The following RBFOX1 variants were observed in gnomAD, a reference collection of about 807,000 sequenced individuals.
RBFOX1 encodes RNA binding protein fox-1 homolog 1.
Under a neutral mutation model 57.7 loss-of-function variants are expected in RBFOX1, and 8 were observed. The observed-to-expected ratio is 0.14, with a 90% CI of 0.08 to 0.25. The LOEUF (loss-of-function observed/expected upper bound fraction) is 0.25, where lower values mean the gene tolerates loss of function less well. Ranked by LOEUF, RBFOX1 falls within the 10% of genes least tolerant of loss-of-function variation. RBFOX1 has a pLI of 1.00. For synonymous variants in RBFOX1, 326 were observed against 222.4 expected (o/e 1.47, Z -4.15); for missense variants, 611 against 548.5 (o/e 1.11, Z -1.14).
intron 3 of RBFOX1, among the ~76,000 whole-genome samples, chr16:5,678,593 C>A (rs1000786969): frequency 1.2e-4 from 18 of 152,154 alleles, no homozygotes; most frequent in African/African-American, 4.1e-4. Context: ...TTAATCATTG[C>A]TTCCTCTGGG....
chr16:6,733,237 A>G (rs1391014088), intron 3 of RBFOX1, among the ~76,000 whole-genome samples: 1 of 152,312 alleles, frequency 6.6e-6, no homozygotes, highest in African/African-American at 2.4e-5. Flanking sequence ...AGCCCTGGCA[A>G]ACTCCCTTTT....
intron 3 of RBFOX1, among the ~76,000 whole-genome samples, chr16:7,011,874 G>A (rs2093669719): frequency 6.6e-6 from 1 of 152,184 alleles, no homozygotes. Flanking sequence ...GGATGCCTTT[G>A]GATGATGTTA....
intron 4 of RBFOX1, among the ~76,000 whole-genome samples, chr16:7,280,078 C>A (rs931645777): frequency 2.6e-5 from 4 of 152,188 alleles, no homozygotes; most frequent in African/African-American, 9.7e-5. Context: ...ACAGATTGTG[C>A]CTGCTATGGA....
chr16:6,367,347 T>G (rs995277556), intron 2 of RBFOX1, among the ~76,000 whole-genome samples: 10 of 152,200 alleles, frequency 6.6e-5, no homozygotes. Context: ...CTTGGCTCAC[T>G]GCAACCTCTG....
chr16:7,042,694 G>A (rs958139341), intron 3 of RBFOX1, among the ~76,000 whole-genome samples: 1 of 152,230 alleles, frequency 6.6e-6, no homozygotes, highest in Non-Finnish European at 1.5e-5. Context: ...GGGAGGCCCA[G>A]GCGGGCGGAT....
chr16:7,472,904 C>T (rs563734933), intron 4 of RBFOX1, among the ~76,000 whole-genome samples: 12 of 152,232 alleles, frequency 7.9e-5, no homozygotes, highest in South Asian at 4.1e-4. Flanking sequence ...TAAGAGCAAA[C>T]GCAATATTAA....
At chr16:6,148,715 C>T (rs779330784) in intron 1 of RBFOX1, among the ~76,000 whole-genome samples, 1 of 152,140 alleles carries the variant, frequency 6.6e-6, no homozygotes, top group African/African-American at 2.4e-5. Context: ...TGGAGAGATC[C>T]AGAGTAAAGT....
At chr16:6,277,828 C>T (rs1024047489) in intron 1 of RBFOX1, among the ~76,000 whole-genome samples, 10 of 152,022 alleles carry the variant, frequency 6.6e-5, no homozygotes, top group African/African-American at 1.7e-4. Context: ...ATTCTGATTG[C>T]GATTAGGATT....
chr16:5,303,592 A>T lies in RBFOX1; in HGVS notation c.219+63487A>T, dbSNP rs111742813. ...AACTTCAGACATGCTTCTGATGTTGAGGGGCTTGATTCCAAACAGCGCTTG... is the reference window on the plus strand; with the variant it reads ...AACTTCAGACATGCTTCTGATGTTGTGGGGCTTGATTCCAAACAGCGCTTG... On this transcript the variant is annotated intron_variant, in intron 1 of 2. Coordinates refer to the RBFOX1 transcript ENST00000585867. Among the ~76,000 whole-genome samples, 173 of 152,220 alleles carry T rather than the reference A, an allele frequency of 1.1e-3. 2 individuals carry two copies. Among genetic ancestry groups the T allele is most frequent in the African/African-American group, 3.9e-3 (163 of 41,542 alleles).
intron 1 of RBFOX1, among the ~76,000 whole-genome samples, chr16:5,456,552 G>A (rs62016423): frequency 0.024 from 3,645 of 152,190 alleles, 50 homozygotes; most frequent in Non-Finnish European, 0.038. Flanking sequence ...CCACCCACTT[G>A]TTCATTTTAA....
intron 3 of RBFOX1, among the ~76,000 whole-genome samples, chr16:5,762,125 C>A (rs986116676): frequency 6.6e-6 from 1 of 152,156 alleles, no homozygotes; most frequent in Admixed American, 6.5e-5. Flanking sequence ...TATACACTGT[C>A]TGGCAAATAA....
At position 5,658,269 on chromosome 16, in the gene RBFOX1, G is replaced by C. The variant is rs571526978; in HGVS notation, c.318+59308G>C. 2.0e-5 allele frequency among the ~76,000 whole-genome samples: 3 copies of C among 152,228 alleles called. No individual in the cohort carries two copies. In the East Asian group the frequency reaches 5.8e-4, roughly 29 times the overall value. ...CTGGGAAGCTGAGACCCCAAGACTG[G>C]AGACATCAGGATTGGAAAGATATCC... On this transcript the variant is annotated intron_variant, in intron 3 of 19. Transcript: ENST00000641259.
chr16:7,096,163 A>G (rs8057600), intron 4 of RBFOX1, among the ~76,000 whole-genome samples: 15,273 of 152,280 alleles, frequency 0.1, 801 homozygotes, highest in East Asian at 0.2. Context: ...GGAGACAGAT[A>G]AAACACAACA....
At chr16:6,571,137 C>T (rs549302329) in intron 2 of RBFOX1, among the ~76,000 whole-genome samples, 1 of 152,298 alleles carries the variant, frequency 6.6e-6, no homozygotes, top group South Asian at 2.1e-4. Context: ...GAGTTGACAT[C>T]ATTTCAGGCA....
chr16:7,483,478 TA>T (rs1402385749), intron 4 of RBFOX1, among the ~76,000 whole-genome samples: 1 of 152,328 alleles, frequency 6.6e-6, no homozygotes, highest in Non-Finnish European at 1.5e-5. Context: ...GTCTTGGACC[TA>T]AAAAGCAGTT....
intron 3 of RBFOX1, among the ~76,000 whole-genome samples, chr16:7,019,883 G>T (rs77450933): frequency 1.3e-5 from 2 of 152,152 alleles, no homozygotes; most frequent in African/African-American, 4.8e-5. Context: ...ACATTTTTGC[G>T]TGTGTTCCAA....
chr16:7,541,473 T>TTC (rs1472295213), intron 5 of RBFOX1, among the ~76,000 whole-genome samples: 3 of 152,004 alleles, frequency 2.0e-5, no homozygotes, highest in East Asian at 1.9e-4. Flanking sequence ...TTTTTTTTTT[T>TTC]CCCGACTTTT....
intron 9 of RBFOX1, among the ~76,000 whole-genome samples, chr16:7,597,776 C>T (rs1317960481): frequency 6.6e-6 from 1 of 152,106 alleles, no homozygotes. Flanking sequence ...CTTTTCAATA[C>T]CATCTGCTCG....
Position 6,988,655 on chromosome 16 carries a change from C to G in RBFOX1, c.-15-63402C>G, listed in dbSNP as rs998687895. ...TGGTGCGATCTCGGCTCACTACAACCTCTGCCTCAGCCTCAGCCTCAGCCT... is the reference window on the plus strand; with the variant it reads ...TGGTGCGATCTCGGCTCACTACAACGTCTGCCTCAGCCTCAGCCTCAGCCT... On this transcript the variant is annotated intron_variant, in intron 3 of 15. Transcript: ENST00000550418. Among the ~76,000 whole-genome samples the G allele has an allele frequency of 3.3e-5, 5 of 151,926 alleles. No homozygotes were observed. In the South Asian group the frequency reaches 1.0e-3, roughly 32 times the overall value.
Sources: allele counts gnomAD v4.1 joint callset (sites outside exome capture counted in the v4.1 genomes callset), GRCh38; gene constraint gnomAD v4.1.1; transcripts MANE v1.5; gene names NCBI Gene and HGNC (gene_info 2026-07-23, HGNC 2026-07-21).